Variants in C17orf75 observed in about 807,000 individuals in gnomAD.
C17orf75 encodes the protein protein Njmu-R1.
In C17orf75, 32 loss-of-function variants were observed where a neutral mutation model predicts 49.6. That is an observed-to-expected ratio of 0.65 (90% CI 0.49 to 0.87). The LOEUF is 0.87. Ranked by LOEUF, C17orf75 falls within the 40% of genes least tolerant of loss-of-function variation. C17orf75 has a pLI of 0.00. For missense variants in C17orf75, 428 were observed against 473.9 expected, an observed-to-expected ratio of 0.90 and a Z score of 0.90; for synonymous variants, 158 against 159.5, an observed-to-expected ratio of 0.99 and a Z score of 0.07.
At chr17:32,341,934 G>C (rs1396425943) in intron 1 of C17orf75, 66 bp downstream of exon 1, 107 of 1,215,254 alleles carry the variant, frequency 8.8e-5, no homozygotes, top group Non-Finnish European at 1.1e-4. Flanking sequence ...GTGCAAGGCC[G>C]GGCGGCGGGC....
At chr17:32,348,718 C>T (rs1226878835) in intron 1 of C17orf75, among the ~76,000 whole-genome samples, 1 of 152,138 alleles carries the variant, frequency 6.6e-6, no homozygotes, top group Non-Finnish European at 1.5e-5. Flanking sequence ...CATGATCCTC[C>T]AGTTGCCCTC....
At chr17:32,341,793 A>C in intron 1 of C17orf75, 1 of 1,054,294 alleles carries the variant, frequency 9.5e-7, no homozygotes, top group Non-Finnish European at 1.1e-6. Flanking sequence ...TGGTTGGGCC[A>C]GGCATACAAG....
Position 32,331,654 on chromosome 17 carries a change from G to C in C17orf75, c.*109C>G. 2 of 875,228 alleles carry C rather than the reference G, an allele frequency of 2.3e-6. No individual in the cohort carries two copies. Among genetic ancestry groups the C allele is most frequent in the Non-Finnish European group, 3.5e-6 (2 of 569,024 alleles). The allele number at this position is 875,228 out of a possible 1,614,324, so 54.2% of individuals were successfully genotyped here. A position where few individuals can be genotyped will look rare whatever the true frequency, so the allele number is the denominator to read the frequency against. On this transcript the variant is annotated 3_prime_UTR_variant, in exon 10 of 10. Coordinates refer to ENST00000577809, the MANE Select transcript of C17orf75 (RefSeq NM_022344.4). ...AAAATACAAAAAGAAAATCTGGATT[G>C]AGTTTCAAATCATCTTAAATAGCAA...
rs1179232790 is a variant in C17orf75 at position 32,328,949 on chromosome 17, A to AAAAT, written c.*2810_*2813dup. On this transcript the variant is annotated 3_prime_UTR_variant, in exon 10 of 10. Coordinates refer to ENST00000577809, the MANE Select transcript of C17orf75 (RefSeq NM_022344.4). ...TTAAAAGCCAAGATAGTAGCTTATT[A>AAAAT]AAATTTGAATACAGTACATGTTTCT... 1 of 152,198 alleles carries AAAAT rather than the reference A, an allele frequency of 6.6e-6. No homozygotes were observed. The highest frequency in any genetic ancestry group is 1.5e-5 in the Non-Finnish European group (1 of 68,028). The allele number at this position is 152,198 out of a possible 1,614,324, so 9.4% of individuals were successfully genotyped here. A position where few individuals can be genotyped will look rare whatever the true frequency, so the allele number is the denominator to read the frequency against.
chr17:32,329,585 CAG>C lies in C17orf75; in HGVS notation c.*2176_*2177del, dbSNP rs778084689. The C allele has an allele frequency of 1.3e-5, 2 of 151,658 alleles. No individual in the cohort carries two copies. Among genetic ancestry groups the C allele is most frequent in the Non-Finnish European group, 2.9e-5 (2 of 67,968 alleles). 9.4% of individuals were successfully genotyped at this position (151,658 alleles called of 1,614,324 possible). A position where few individuals can be genotyped will look rare whatever the true frequency, so the allele number is the denominator to read the frequency against. On this transcript the variant is annotated 3_prime_UTR_variant, in exon 10 of 10. Coordinates refer to ENST00000577809, the MANE Select transcript of C17orf75 (RefSeq NM_022344.4). ...CATTACAAAAATATATACAACCACA[CAG>C]AGAATATGTAATTACACCTTGCCTA... is the stretch of plus-strand genomic sequence containing the variant.
chr17:32,328,850 A>G lies in C17orf75; in HGVS notation c.*2913T>C, dbSNP rs1381789577. On this transcript the variant is annotated 3_prime_UTR_variant, in exon 10 of 10. Coordinates refer to ENST00000577809, the MANE Select transcript of C17orf75 (RefSeq NM_022344.4). The stretch of plus-strand genomic sequence containing the variant: ...GGTTGCAGTGAGCCAAGATTGCACC[A>G]CCACACTCCAGCCTGGGTGACAGAG... The G allele has an allele frequency of 6.6e-6, 1 of 151,900 alleles. No homozygotes were observed. Among genetic ancestry groups the G allele is most frequent in the Non-Finnish European group, 1.5e-5 (1 of 67,988 alleles). The allele number at this position is 151,900 out of a possible 1,614,324, so 9.4% of individuals were successfully genotyped here.
At position 32,338,196 on chromosome 17, in the gene C17orf75, A is replaced by G. The variant is rs1220859330; in HGVS notation, c.491+12T>C. The stretch of plus-strand genomic sequence containing the variant: ...TCCTTCCTGATGTTCTCAAAAACCA[A>G]AGAAAGGATATAGCTCAAGTCCTTT... On this transcript the variant is annotated intron_variant, in intron 4 of 9. Transcript: ENST00000577809. 6.2e-7 allele frequency: 1 copy of G among 1,605,096 alleles called. No homozygotes were observed. The highest frequency in any genetic ancestry group is 1.7e-4 in the Middle Eastern group (1 of 6,034).
rs1259879740 is a variant in C17orf75 at position 32,349,905 on chromosome 17, T to G, written c.-7+37A>C. On this transcript the variant is annotated intron_variant, in intron 1 of 8. Coordinates refer to the C17orf75 transcript ENST00000583774. ...GCACTGGCAATCTTTTCCGTTTTTT[T>G]GTTTTCTGTTTTCCATTCGCATGCC... The G allele has an allele frequency of 3.8e-6, 4 of 1,057,992 alleles. No homozygotes were observed. The East Asian group carries it at 3.1e-4, about 82-fold the overall frequency. The allele number at this position is 1,057,992 out of a possible 1,614,324, so 65.5% of individuals were successfully genotyped here. A position where few individuals can be genotyped will look rare whatever the true frequency, so the allele number is the denominator to read the frequency against.
chr17:32,342,350 C>G (rs1392977232), upstream of C17orf75: 4 of 677,068 alleles, frequency 5.9e-6, no homozygotes, highest in Non-Finnish European at 6.4e-6. Context: ...TACTGACAAG[C>G]TTTTACCATT....
chr17:32,334,506 G>A lies in C17orf75; in HGVS notation c.834C>T (p.Ile278=), dbSNP rs765295011. 2.5e-5 allele frequency: 40 copies of A among 1,612,112 alleles called. No individual in the cohort carries two copies. The highest frequency in any genetic ancestry group is 1.2e-4 in the African/African-American group (9 of 74,894). ...ACTGAGGCTGGGAGCTGCTGCAATC[G>A]ATGACCACAGACTTATGCTGCTCCT... The part of the protein sequence containing the change: ...MTEEQHKSVV[I]DCSSSQPQFC... The change falls in exon 8 of 10, where the codon ATC becomes ATT. Residue 278 remains isoleucine (I), a synonymous_variant. Coordinates refer to ENST00000577809, the MANE Select transcript of C17orf75 (RefSeq NM_022344.4).
chr17:32,334,871 A>G, intron 6 of C17orf75, 32 bp from the exon 7 acceptor site: 1 of 1,555,220 alleles, frequency 6.4e-7, no homozygotes, highest in South Asian at 1.2e-5. Flanking sequence ...TGATTGGTAC[A>G]TATATTCCAG....
intron 8 of C17orf75, among the ~76,000 whole-genome samples, chr17:32,333,947 A>T (rs1284940294): frequency 6.6e-6 from 1 of 152,016 alleles, no homozygotes; most frequent in East Asian, 1.9e-4. Flanking sequence ...ATTCCCACAG[A>T]CGTCTTTAAA....
chr17:32,344,599 A>G (rs549847231), upstream of C17orf75, among the ~76,000 whole-genome samples: 49 of 149,850 alleles, frequency 3.3e-4, no homozygotes, highest in East Asian at 8.9e-3. Context: ...TCAAAAAAAA[A>G]AAAAAAAAGA....
chr17:32,334,532 C>G lies in C17orf75; in HGVS notation c.808G>C (p.Glu270Gln), dbSNP rs1469421340. 5.6e-6 allele frequency: 9 copies of G among 1,612,278 alleles called. No individual in the cohort carries two copies. Among genetic ancestry groups the G allele is most frequent in the Non-Finnish European group, 7.6e-6 (9 of 1,179,378 alleles). Residue 270 changes from glutamate (E) to glutamine (Q), a missense_variant, in exon 8 of 10, where the codon GAG becomes CAG. By Grantham distance (29) the Glu-to-Gln change is conservative. Transcript: ENST00000577809. ...TMTSLCMAMT[E>Q]EQHKSVVIDC... ...ATGACCACAGACTTATGCTGCTCCT[C>G]TGTCATGGCCATGCACAAAGAAGTC... is the stretch of plus-strand genomic sequence containing the variant.
At chr17:32,349,764 G>A (rs1407944028) in intron 1 of C17orf75, among the ~76,000 whole-genome samples, 1 of 152,180 alleles carries the variant, frequency 6.6e-6, no homozygotes, top group African/African-American at 2.4e-5. Context: ...TTACAAAGCA[G>A]AGACTAACTT....
In C17orf75 at chr17:32,331,474, A is replaced by G. The variant is rs1218696007; in HGVS notation, c.*289T>C. ...CAGGCTTTTCCTGAGAAAAGCCACA[A>G]ACAAAATCATCTCTGAAATTTTTTA... On this transcript the variant is annotated 3_prime_UTR_variant, in exon 10 of 10. Transcript: ENST00000577809. The G allele has an allele frequency of 9.8e-6, 3 of 305,192 alleles. No homozygotes were observed. Among genetic ancestry groups the G allele is most frequent in the Non-Finnish European group, 1.8e-5 (3 of 165,554 alleles). The allele number at this position is 305,192 out of a possible 1,614,324, so 18.9% of individuals were successfully genotyped here. A position where few individuals can be genotyped will look rare whatever the true frequency, so the allele number is the denominator to read the frequency against.
chr17:32,334,548 C>G lies in C17orf75; in HGVS notation c.792G>C (p.Leu264Phe), dbSNP rs182533138. The change falls in exon 8 of 10, where the codon TTG becomes TTC. Residue 264 changes from leucine to phenylalanine, a missense_variant. By Grantham distance (22) the Leu-to-Phe change is conservative (BLOSUM62 0). Coordinates refer to ENST00000577809, the MANE Select transcript of C17orf75 (RefSeq NM_022344.4). ...GLIHEGTMTS[L>F]CMAMTEEQHK... is the part of the protein sequence containing the mutation. ...GCTGCTCCTCTGTCATGGCCATGCA[C>G]AAAGAAGTCATGGTGCCTTCATGAA... 54 of 1,612,152 alleles carry G rather than the reference C, an allele frequency of 3.3e-5. No individual in the cohort carries two copies. The African/African-American group carries it at 6.9e-4, about 21-fold the overall frequency.
chr17:32,332,038 A>G lies in C17orf75; in HGVS notation c.976-60T>C, dbSNP rs566913092. ...GTGAAATAATAATGAAGCTCAAAAA[A>G]TAACTCCTATCCAGCTGAGAACTCA... On this transcript the variant is annotated intron_variant, in intron 9 of 9. Transcript: ENST00000577809. The G allele has an allele frequency of 8.0e-6, 11 of 1,369,472 alleles. No individual in the cohort carries two copies. The African/African-American group carries it at 1.6e-4, about 20-fold the overall frequency. 84.8% of individuals were successfully genotyped at this position (1,369,472 alleles called of 1,614,324 possible). A position where few individuals can be genotyped will look rare whatever the true frequency, so the allele number is the denominator to read the frequency against.
chr17:32,333,980 G>A (rs559941838), intron 8 of C17orf75, among the ~76,000 whole-genome samples: 106 of 152,112 alleles, frequency 7.0e-4, no homozygotes, highest in African/African-American at 2.1e-3. Context: ...ACCTTTGCAC[G>A]TGTAAGCCTT....
Sources: gnomAD v4.1 joint callset for allele counts (sites outside exome capture counted in the v4.1 genomes callset) on GRCh38, gnomAD v4.1.1 for gene constraint, MANE v1.5 for transcripts, NCBI Gene and HGNC (gene_info 2026-07-23, HGNC 2026-07-21) for gene names.